The following NLRP9 variants were observed in gnomAD, a reference collection of about 807,000 sequenced individuals.
NLRP9 encodes the protein NLR family pyrin domain containing 9.
In NLRP9, 88 loss-of-function variants were observed where a neutral mutation model predicts 83.1. The observed-to-expected ratio is 1.06, with a 90% CI of 0.89 to 1.26. The LOEUF is 1.26. Ranked by LOEUF, NLRP9 falls within the 50% of genes most tolerant of loss-of-function variation. NLRP9 has a pLI of 0.00. For synonymous variants in NLRP9, 521 were observed against 447.6 expected, an observed-to-expected ratio of 1.16 and a Z score of -2.07; for missense variants, 1,308 against 1,179.3, an observed-to-expected ratio of 1.11 and a Z score of -1.60.
intron 5 of NLRP9, among the ~76,000 whole-genome samples, chr19:55,715,456 G>A (rs530710541): frequency 6.4e-4 from 97 of 152,212 alleles, no homozygotes; most frequent in South Asian, 1.7e-3. Flanking sequence ...AGGCTGAGGC[G>A]GGCGGATCAC....
chr19:55,713,266 C>T (rs1444477536), intron 6 of NLRP9, among the ~76,000 whole-genome samples: 2 of 151,580 alleles, frequency 1.3e-5, no homozygotes, highest in Non-Finnish European at 2.9e-5. Flanking sequence ...CTGGTGATTC[C>T]TTACAGTACT....
At chr19:55,709,678 A>G (rs1286349718) in intron 8 of NLRP9, 1 of 152,208 alleles carries the variant, frequency 6.6e-6, no homozygotes, top group African/African-American at 2.4e-5. Context: ...CCCAGTTAGC[A>G]TTGAATACAG....
At chr19:55,735,534 A>G (rs1568605662) in intron 1 of NLRP9, among the ~76,000 whole-genome samples, 2 of 152,146 alleles carry the variant, frequency 1.3e-5, no homozygotes, top group East Asian at 3.8e-4. Flanking sequence ...TGTCTGTATT[A>G]CTCTACATTT....
intron 4 of NLRP9, among the ~76,000 whole-genome samples, chr19:55,720,083 A>G (rs1211597636): frequency 1.3e-5 from 2 of 152,140 alleles, no homozygotes; most frequent in Non-Finnish European, 2.9e-5. Context: ...ATCAAAACAG[A>G]TATTTTTGGT....
chr19:55,721,920 T>C (rs1213973027), intron 4 of NLRP9, among the ~76,000 whole-genome samples: 1 of 147,782 alleles, frequency 6.8e-6, no homozygotes, highest in South Asian at 2.2e-4. Flanking sequence ...CACATCGAAC[T>C]GCAAGTCCAA....
At chr19:55,710,113 C>T (rs1011935282) in intron 8 of NLRP9, among the ~76,000 whole-genome samples, 1 of 152,104 alleles carries the variant, frequency 6.6e-6, no homozygotes, top group Non-Finnish European at 1.5e-5. Context: ...TCAGCTACAG[C>T]GACACTATGA....
chr19:55,718,739 A>G (rs575444032), intron 4 of NLRP9, among the ~76,000 whole-genome samples: 6 of 152,332 alleles, frequency 3.9e-5, no homozygotes, highest in South Asian at 4.1e-4. Flanking sequence ...GACCAGCGCC[A>G]GTGCGGGTCC....
Position 55,708,788 on chromosome 19 carries a change from G to T in NLRP9, c.*124C>A. On this transcript the variant is annotated 3_prime_UTR_variant, in exon 9 of 9. Transcript: ENST00000332836. Reference sequence around the variant, plus strand: ...ATAATCATATTGCTAGAACACTTAGGGAGTACCTCTGAAATCACAGCCCTG... The same window carrying T: ...ATAATCATATTGCTAGAACACTTAGTGAGTACCTCTGAAATCACAGCCCTG... The T allele has an allele frequency of 3.2e-6, 2 of 630,492 alleles. No homozygotes were observed. Among genetic ancestry groups the T allele is most frequent in the South Asian group, 2.7e-5 (1 of 37,382 alleles). The allele number at this position is 630,492 out of a possible 1,614,324, so 39.1% of individuals were successfully genotyped here. A position where few individuals can be genotyped will look rare whatever the true frequency, so the allele number is the denominator to read the frequency against.
At chr19:55,715,762 C>G in intron 5 of NLRP9, among the ~76,000 whole-genome samples, 1 of 116,504 alleles carries the variant, frequency 8.6e-6, no homozygotes, top group Admixed American at 7.9e-5. Flanking sequence ...AGTGTCCCAA[C>G]AAACAATCTC....
chr19:55,715,304 C>A, intron 5 of NLRP9, 79 bp from the exon 6 acceptor site: 1 of 1,243,404 alleles, frequency 8.0e-7, no homozygotes, highest in East Asian at 2.5e-5. Context: ...TCTCCCAGCC[C>A]ACTGAAGCTT....
rs138973578 is a variant in NLRP9 at position 55,716,819 on chromosome 19, G to T, written c.2239C>A (p.Leu747Ile). The T allele has an allele frequency of 6.2e-7, 1 of 1,613,728 alleles. No homozygotes were observed. Among genetic ancestry groups the T allele is most frequent in the African/African-American group, 1.3e-5 (1 of 74,904 alleles). Residue 747 changes from leucine to isoleucine, a missense_variant, in exon 5 of 9, where the codon CTC becomes ATC. Coordinates refer to ENST00000332836, the MANE Select transcript of NLRP9 (RefSeq NM_176820.4). ...VLACNSKLKH[L>I]SLVENPLRDE... is the part of the protein sequence containing the mutation. ...CTCAAGGGATTTTCTACCAAGGAGA[G>T]GTGTTTCAGCTTGCTGTTGCAGGCC...
At chr19:55,736,406 C>A (rs141054388) in intron 1 of NLRP9, among the ~76,000 whole-genome samples, 6 of 151,264 alleles carry the variant, frequency 4.0e-5, no homozygotes, top group African/African-American at 1.5e-4. Flanking sequence ...AGAAAAAAGT[C>A]ATGTCATGTC....
In NLRP9 at chr19:55,732,845, G is replaced by A. The variant is rs139330383; in HGVS notation, c.986C>T (p.Pro329Leu). Reference sequence around the variant, plus strand: ...GGGATTATGGCACAAGATAAACAGCGGCCCATTATCTCTCACAAAATTGAA... The same window carrying A: ...GGGATTATGGCACAAGATAAACAGCAGCCCATTATCTCTCACAAAATTGAA... Reference protein sequence around the residue: ...KVFNFVRDNGPLFILCHNPFT... With the variant: ...KVFNFVRDNGLLFILCHNPFT... Residue 329 changes from proline (P) to leucine (L), a missense_variant, in exon 2 of 9, where the codon CCG becomes CTG. Transcript: ENST00000332836. 15 of 1,613,900 alleles carry A rather than the reference G, an allele frequency of 9.3e-6. No individual in the cohort carries two copies. Among genetic ancestry groups the A allele is most frequent in the Middle Eastern group, 1.6e-4 (1 of 6,082 alleles).
rs755581945 is a variant in NLRP9, at chr19:55,709,056, GAAATA to G, written c.2844-17_2844-13del. The G allele has an allele frequency of 2.1e-4, 321 of 1,549,614 alleles. No individual in the cohort carries two copies. The highest frequency in any genetic ancestry group is 2.6e-4 in the Non-Finnish European group (301 of 1,157,984). On this transcript the variant is annotated splice_polypyrimidine_tract_variant and intron_variant, in intron 8 of 8. Transcript: ENST00000332836. Reference sequence around the variant, plus strand: ...CAGATTTGTGCAGCCTGGGAAAATAGAAATAAAGTTTTTTTTTTTGTTTTTCATTT... The same window carrying G: ...CAGATTTGTGCAGCCTGGGAAAATAGAAGTTTTTTTTTTTGTTTTTCATTT...
intron 3 of NLRP9, among the ~76,000 whole-genome samples, chr19:55,729,400 A>G (rs1004948455): frequency 6.6e-6 from 1 of 151,706 alleles, no homozygotes; most frequent in African/African-American, 2.4e-5. Context: ...CCCACCCCAC[A>G]ACAGGCTGCG....
chr19:55,723,461 G>A (rs1988294094), intron 4 of NLRP9, among the ~76,000 whole-genome samples: 1 of 152,148 alleles, frequency 6.6e-6, no homozygotes, highest in Admixed American at 6.5e-5. Context: ...TGGCTCATGT[G>A]AAGTACTGTA....
chr19:55,727,070 T>A (rs1390455979), intron 3 of NLRP9, among the ~76,000 whole-genome samples: 2 of 151,996 alleles, frequency 1.3e-5, no homozygotes, highest in East Asian at 1.9e-4. Context: ...CCGGCCAACA[T>A]AGTGAAACCC....
At chr19:55,715,278 G>A in intron 5 of NLRP9, 53 bp from the exon 6 acceptor site, 1 of 1,477,106 alleles carries the variant, frequency 6.8e-7, no homozygotes, top group East Asian at 2.3e-5. Flanking sequence ...ACATCATTCT[G>A]CAGAGAAACA....
At chr19:55,731,426 G>A (rs368475455) in intron 2 of NLRP9, among the ~76,000 whole-genome samples, 3 of 151,854 alleles carry the variant, frequency 2.0e-5, no homozygotes, top group African/African-American at 7.3e-5. Flanking sequence ...GAGGGAGGGA[G>A]GGAGGAAGCA....
Sources: gnomAD v4.1 joint callset for allele counts (sites outside exome capture counted in the v4.1 genomes callset) on GRCh38, gnomAD v4.1.1 for gene constraint, MANE v1.5 for transcripts, NCBI Gene and HGNC (gene_info 2026-07-23, HGNC 2026-07-21) for gene names.